AOAH: variants seen among roughly 807,000 people sequenced by gnomAD.
The protein encoded by AOAH is acyloxyacyl hydrolase (neutrophil).
AOAH carries 64 observed loss-of-function variants against 92.2 expected under a neutral mutation model. That is an observed-to-expected ratio of 0.69 (90% CI 0.57 to 0.86). The LOEUF (loss-of-function observed/expected upper bound fraction) is 0.86. Ranked by LOEUF, AOAH falls within the 40% of genes least tolerant of loss-of-function variation. The pLI is 0.00. For missense variants in AOAH, 656 were observed against 694.6 expected, an observed-to-expected ratio of 0.94 and a Z score of 0.62; for synonymous variants, 263 against 254.5, an observed-to-expected ratio of 1.03 and a Z score of -0.32.
chr7:36,549,361 A>G, intron 14 of AOAH, 78 bp downstream of exon 14: 1 of 1,080,760 alleles, frequency 9.3e-7, no homozygotes, highest in African/African-American at 1.6e-5. Flanking sequence ...AAAAATGATT[A>G]TGGGGTAATA....
In AOAH at chr7:36,577,941, A is replaced by C. The variant is rs537285246; in HGVS notation, c.939-1285T>G. 2.0e-5 allele frequency among the ~76,000 whole-genome samples: 3 copies of C among 152,340 alleles called. No individual in the cohort carries two copies. The South Asian group carries it at 6.2e-4, about 32-fold the overall frequency. On this transcript the variant is annotated intron_variant, in intron 12 of 20. Transcript: ENST00000617537. ...TACTAATTGTATTACAGTGCTTGGC[A>C]ACTGTCTCAGTGCTTCAGAAAGGTA... is the stretch of plus-strand genomic sequence containing the variant.
intron 5 of AOAH, among the ~76,000 whole-genome samples, chr7:36,634,651 C>T (rs1793388148): frequency 1.3e-5 from 2 of 152,170 alleles, no homozygotes; most frequent in Admixed American, 6.5e-5. Context: ...ACATTGACAG[C>T]ACTTCGGAAA....
In AOAH at chr7:36,516,085, A is replaced by C. The variant is rs1408293518; in HGVS notation, c.1600-2705T>G. On this transcript the variant is annotated intron_variant, in intron 20 of 20. Transcript: ENST00000617537. The surrounding 1 kb of genome is among the most constrained non-coding windows in gnomAD (Gnocchi z 5.0). ...ACTACACACACCACACGCCACATAC[A>C]CACCATACACACACCACACAGATAC... Among the ~76,000 whole-genome samples, 1 of 145,576 alleles carries C rather than the reference A, an allele frequency of 6.9e-6. No homozygotes were observed. The highest frequency in any genetic ancestry group is 6.8e-5 in the Admixed American group (1 of 14,616).
At chr7:36,522,809 C>A (rs917927394) in intron 19 of AOAH, among the ~76,000 whole-genome samples, 4 of 152,178 alleles carry the variant, frequency 2.6e-5, no homozygotes, top group African/African-American at 4.8e-5. Flanking sequence ...GCATCTGAGC[C>A]AGCTGCTCCC....
rs921642129 is a variant in AOAH, at chr7:36,576,749, A to T, written c.939-93T>A. 3.4e-5 allele frequency: 20 copies of T among 594,672 alleles called. No homozygotes were observed. In the African/African-American group the frequency reaches 3.7e-4, roughly 11 times the overall value. The allele number at this position is 594,672 out of a possible 1,614,324, so 36.8% of individuals were successfully genotyped here. On this transcript the variant is annotated intron_variant, in intron 12 of 20. Transcript: ENST00000617537. ...GTTTACATCACGCTTTTAAAAAAAT[A>T]TGGTTAAAATGAACTCAAAAAATCA...
intron 1 of AOAH, among the ~76,000 whole-genome samples, chr7:36,700,384 C>G (rs1277792510): frequency 6.6e-6 from 1 of 152,006 alleles, no homozygotes; most frequent in Admixed American, 6.6e-5. Context: ...CATGTGTATA[C>G]AGTATTTAGC....
chr7:36,617,429 C>T (rs887689710), intron 10 of AOAH, among the ~76,000 whole-genome samples: 2 of 152,248 alleles, frequency 1.3e-5, no homozygotes, highest in African/African-American at 4.8e-5. Context: ...TGAGCCTTTA[C>T]ATTTTCTATT....
intron 10 of AOAH, among the ~76,000 whole-genome samples, chr7:36,617,981 T>C (rs1302343158): frequency 6.6e-6 from 1 of 152,270 alleles, no homozygotes; most frequent in African/African-American, 2.4e-5. Flanking sequence ...TTATGATTGC[T>C]GCCTATTTTC....
intron 13 of AOAH, among the ~76,000 whole-genome samples, chr7:36,552,359 G>A (rs1438381974): frequency 6.6e-6 from 1 of 152,094 alleles, no homozygotes; most frequent in Non-Finnish European, 1.5e-5. Context: ...GTTGCATAGT[G>A]TTCTGTGGTG....
intron 16 of AOAH, among the ~76,000 whole-genome samples, chr7:36,538,431 C>G (rs184727363): frequency 1.9e-4 from 29 of 152,178 alleles, no homozygotes; most frequent in Non-Finnish European, 3.5e-4. Context: ...AAACATGTCT[C>G]ATAAATCAAG....
chr7:36,651,970 G>C (rs185302884), intron 4 of AOAH, among the ~76,000 whole-genome samples: 5 of 152,140 alleles, frequency 3.3e-5, no homozygotes, highest in Admixed American at 3.3e-4. Flanking sequence ...ACTTTACTTA[G>C]CACTCCACAA....
At chr7:36,560,418 G>A (rs1787173495) in intron 13 of AOAH, among the ~76,000 whole-genome samples, 3 of 152,220 alleles carry the variant, frequency 2.0e-5, no homozygotes, top group South Asian at 2.1e-4. Flanking sequence ...TTCCAGCAAC[G>A]TTTTTTAGTT....
Position 36,556,453 on chromosome 7 carries a change from A to T in AOAH, c.1022-6978T>A, listed in dbSNP as rs1164809243. On this transcript the variant is annotated intron_variant, in intron 13 of 20. Transcript: ENST00000617537. ...TGTGGTGTGGTGATGAAAAAAATGT[A>T]TATTCTGCTGATTTGGGGTGGAGAG... Among the ~76,000 whole-genome samples the T allele has an allele frequency of 5.3e-5, 8 of 152,226 alleles. No homozygotes were observed. In the South Asian group the frequency reaches 1.7e-3, roughly 32 times the overall value.
At chr7:36,707,565 T>G (rs1310958273) in intron 1 of AOAH, among the ~76,000 whole-genome samples, 1 of 152,142 alleles carries the variant, frequency 6.6e-6, no homozygotes, top group Non-Finnish European at 1.5e-5. Flanking sequence ...ATGCAATATC[T>G]GCAAAGTGCA....
rs565306112 is a variant in AOAH at position 36,721,795 on chromosome 7, G to A, written c.127+2227C>T. ...CTCTCCATCAAAATGAAGGGTCTCT[G>A]CCCCCTCCCTTTGAGTCTGGGTGGA... is the stretch of plus-strand genomic sequence containing the variant. On this transcript the variant is annotated intron_variant, in intron 1 of 20. Transcript: ENST00000617537. 1.4e-4 allele frequency among the ~76,000 whole-genome samples: 21 copies of A among 152,308 alleles called. No homozygotes were observed. In the South Asian group the frequency reaches 4.3e-3, roughly 32 times the overall value.
intron 1 of AOAH, among the ~76,000 whole-genome samples, chr7:36,706,221 G>C (rs1453205081): frequency 6.6e-6 from 1 of 152,238 alleles, no homozygotes; most frequent in African/African-American, 2.4e-5. Context: ...TGATTCATGA[G>C]CTACAGAATA....
intron 5 of AOAH, among the ~76,000 whole-genome samples, chr7:36,635,994 T>G (rs1793496460): frequency 6.6e-6 from 1 of 152,210 alleles, no homozygotes; most frequent in Non-Finnish European, 1.5e-5. Context: ...ATCTGGAATG[T>G]TTGATCTCCT....
chr7:36,620,899 G>A, intron 8 of AOAH, 70 bp from the exon 9 acceptor site: 1 of 804,940 alleles, frequency 1.2e-6, no homozygotes. Context: ...TTTCATGCAT[G>A]AATGAATGAA....
At chr7:36,533,714 CTTTT>C (rs1784839106) in intron 16 of AOAH, among the ~76,000 whole-genome samples, 1 of 150,986 alleles carries the variant, frequency 6.6e-6, no homozygotes, top group East Asian at 1.9e-4. Context: ...TGTGTGTGTA[CTTTT>C]TGTCATTTGC....
Sources: allele counts gnomAD v4.1 joint callset (sites outside exome capture counted in the v4.1 genomes callset), GRCh38; gene constraint gnomAD v4.1.1; non-coding constraint Gnocchi (gnomAD v3.1); transcripts MANE v1.5; gene names NCBI Gene and HGNC (gene_info 2026-07-23, HGNC 2026-07-21).